DOCK9: variants seen among roughly 807,000 people sequenced by gnomAD.
DOCK9 encodes the protein dedicator of cytokinesis 9.
DOCK9 carries 89 observed loss-of-function variants against 263.3 expected under a neutral mutation model. That is an observed-to-expected ratio of 0.34 (90% CI 0.28 to 0.40). The LOEUF (loss-of-function observed/expected upper bound fraction) is 0.40, where lower values mean the gene tolerates loss of function less well. Among genes scored for constraint, DOCK9 ranks in the 10% least tolerant of loss-of-function variants. The pLI, the probability that DOCK9 is intolerant of heterozygous loss-of-function variation, is 1.00. For synonymous variants in DOCK9, 976 were observed against 973.1 expected (o/e 1.00, Z -0.06); for missense variants, 2,140 against 2,603.4 (o/e 0.82, Z 3.87).
intron 1 of DOCK9, among the ~76,000 whole-genome samples, chr13:98,961,190 G>A (rs1305763885): frequency 1.3e-5 from 2 of 152,200 alleles, no homozygotes; most frequent in Admixed American, 6.5e-5. Context: ...GATGCTTGGA[G>A]AGAGCAAAGA....
At chr13:98,926,564 A>C (rs1344297910) in intron 3 of DOCK9, among the ~76,000 whole-genome samples, 2 of 152,246 alleles carry the variant, frequency 1.3e-5, no homozygotes, top group African/African-American at 4.8e-5. Context: ...ACCTCGCCAC[A>C]TGACAGATTC....
At chr13:98,943,537 G>A (rs1277905836) in intron 2 of DOCK9, among the ~76,000 whole-genome samples, 4 of 148,912 alleles carry the variant, frequency 2.7e-5, no homozygotes, top group East Asian at 3.9e-4. Flanking sequence ...GTGTGTGTTC[G>A]TTTTTGCATG....
At chr13:99,061,738 TCA>T (rs1223727190) in intron 1 of DOCK9, among the ~76,000 whole-genome samples, 1 of 152,134 alleles carries the variant, frequency 6.6e-6, no homozygotes, top group Non-Finnish European at 1.5e-5. Context: ...CACATCACTC[TCA>T]TTTTCCACCT....
rs544668369 is a variant in DOCK9, at chr13:99,016,983, T to A, written c.130-61432A>T. On this transcript the variant is annotated intron_variant, in intron 1 of 32. Coordinates refer to the DOCK9 transcript ENST00000427887. ...GGCACGTGATCCCATAATGTCTGTT[T>A]TCTATGAGTAGTTTAGCCATTGGGC... Among the ~76,000 whole-genome samples the A allele has an allele frequency of 3.3e-5, 5 of 152,308 alleles. No individual in the cohort carries two copies. In the East Asian group the frequency reaches 9.6e-4, roughly 29 times the overall value.
At chr13:98,960,774 T>C (rs1367086569) in intron 1 of DOCK9, among the ~76,000 whole-genome samples, 2 of 152,158 alleles carry the variant, frequency 1.3e-5, no homozygotes, top group Non-Finnish European at 2.9e-5. Context: ...CAACTACCTA[T>C]ACTTGAACAT....
intron 45 of DOCK9, among the ~76,000 whole-genome samples, chr13:98,814,293 C>A (rs1233653876): frequency 1.3e-5 from 2 of 152,120 alleles, no homozygotes; most frequent in African/African-American, 2.4e-5. Context: ...TAAATACAAA[C>A]ACTAAAGCCA....
At chr13:99,078,431 G>T (rs955647491) in intron 1 of DOCK9, among the ~76,000 whole-genome samples, 8 of 152,228 alleles carry the variant, frequency 5.3e-5, no homozygotes, top group African/African-American at 1.9e-4. Flanking sequence ...CTGTTCCACA[G>T]AACGGAAGAG....
rs547545945 is a variant in DOCK9 at position 98,867,339 on chromosome 13, A to G, written c.3286+86T>C. Reference sequence around the variant, plus strand: ...CAATGAAAAAAATCAGAAAATTCAAATATCATGTTTGAATCAATTATCTTT... The same window carrying G: ...CAATGAAAAAAATCAGAAAATTCAAGTATCATGTTTGAATCAATTATCTTT... On this transcript the variant is annotated intron_variant, in intron 30 of 52. Coordinates refer to ENST00000682017, the MANE Select transcript of DOCK9 (RefSeq NM_001366683.2). 3.5e-5 allele frequency: 29 copies of G among 820,830 alleles called. No individual in the cohort carries two copies. In the African/African-American group the frequency reaches 3.8e-4, roughly 11 times the overall value. The allele number at this position is 820,830 out of a possible 1,614,324, so 50.8% of individuals were successfully genotyped here. A position where few individuals can be genotyped will look rare whatever the true frequency, so the allele number is the denominator to read the frequency against.
In DOCK9 at chr13:98,829,653, C is replaced by T. The variant is rs769739130; in HGVS notation, c.4739G>A (p.Arg1580Gln). The T allele has an allele frequency of 2.0e-5, 32 of 1,603,870 alleles. No individual in the cohort carries two copies. The highest frequency in any genetic ancestry group is 2.4e-5 in the Non-Finnish European group (28 of 1,174,896). Residue 1580 changes from arginine (R) to glutamine (Q), a missense_variant, in exon 42 of 53, where the codon CGG (arginine) becomes CAG (glutamine). By Grantham distance (43) the Arg-to-Gln change is conservative. Around this residue, in one of 2 missense-constraint regions of DOCK9, gnomAD observed 619 missense variants for 861.8 expected, o/e 0.72. Coordinates refer to ENST00000682017, the MANE Select transcript of DOCK9 (RefSeq NM_001366683.2). The surrounding 1 kb of genome is among the most constrained non-coding windows in gnomAD (Gnocchi z 4.1). ...GGCCAGGCTACCCACCTTAATAAGCCGGTCACTGTTGGCACAGTTGTTGAT... is the reference window on the plus strand; with the variant it reads ...GGCCAGGCTACCCACCTTAATAAGCTGGTCACTGTTGGCACAGTTGTTGAT... ...SIINNCANSD[R>Q]LIKHTSFSSD...
At chr13:98,862,909 A>C in intron 32 of DOCK9, 110 bp downstream of exon 32, 2 of 901,104 alleles carry the variant, frequency 2.2e-6, no homozygotes, top group African/African-American at 3.3e-5. Flanking sequence ...TGGACTCCTG[A>C]CTGGGAGAGA....
chr13:98,983,619 TATTA>T (rs1241008561), intron 1 of DOCK9, among the ~76,000 whole-genome samples: 5 of 139,392 alleles, frequency 3.6e-5, no homozygotes, highest in South Asian at 2.6e-4. Context: ...TTATTATTAT[TATTA>T]TTTTTTTTTT....
chr13:98,991,243 C>T (rs1282053952), intron 1 of DOCK9, among the ~76,000 whole-genome samples: 1 of 152,034 alleles, frequency 6.6e-6, no homozygotes, highest in African/African-American at 2.4e-5. Context: ...GGCTGATTTT[C>T]GTATTTTTAG....
intron 47 of DOCK9, among the ~76,000 whole-genome samples, chr13:98,808,949 A>C (rs2091013909): frequency 6.6e-6 from 1 of 152,198 alleles, no homozygotes; most frequent in Non-Finnish European, 1.5e-5. Flanking sequence ...AAAACATGCA[A>C]TATAGATATA....
chr13:98,942,220 G>GTTTTTTTTTTTTTTTTTTTTTTTTT (rs60412646), intron 2 of DOCK9, among the ~76,000 whole-genome samples: 1 of 132,430 alleles, frequency 7.6e-6, no homozygotes, highest in Non-Finnish European at 1.6e-5. Context: ...CTCTGGTTAT[G>GTTTTTTTTTTTTTTTTTTTTTTTTT]TTTTTTTTTT....
At chr13:98,943,170 G>T (rs2056213169) in intron 2 of DOCK9, among the ~76,000 whole-genome samples, 1 of 152,220 alleles carries the variant, frequency 6.6e-6, no homozygotes, top group South Asian at 2.1e-4. Flanking sequence ...GCCATCCAGA[G>T]CCTTACTTCA....
chr13:98,858,555 A>C (rs1348814702), intron 33 of DOCK9: 1 of 152,238 alleles, frequency 6.6e-6, no homozygotes, highest in Non-Finnish European at 1.5e-5. Flanking sequence ...CCAGAAAAAA[A>C]CTAGTAAACC....
intron 2 of DOCK9, among the ~76,000 whole-genome samples, chr13:98,933,778 A>C (rs1466442817): frequency 2.0e-5 from 3 of 152,258 alleles, no homozygotes; most frequent in African/African-American, 7.2e-5. Flanking sequence ...CAAAAGGCAC[A>C]GCCTGTCTCC....
rs1385708574 is a variant in DOCK9 at position 98,999,310 on chromosome 13, A to ACTCT, written c.130-43760_130-43759insAGAG. ...CACGCGCACACACACACACACACAC[A>ACTCT]CACACACTCTCTCTCTCTCTCTCTC... On this transcript the variant is annotated intron_variant, in intron 1 of 32. Transcript: ENST00000427887. Among the ~76,000 whole-genome samples the ACTCT allele has an allele frequency of 8.3e-4, 104 of 125,522 alleles. 1 individual carries two copies. Among genetic ancestry groups the ACTCT allele is most frequent in the East Asian group, 3.3e-3 (16 of 4,794 alleles). 82.3% of individuals were successfully genotyped at this position (125,522 alleles called of 152,430 possible).
chr13:99,015,515 T>C, intron 1 of DOCK9: 1 of 1,598,302 alleles, frequency 6.3e-7, no homozygotes, highest in Non-Finnish European at 8.5e-7. Context: ...TCAAGGGCAT[T>C]ATTCTCTCCT....
Sources: gnomAD v4.1 joint callset for allele counts (sites outside exome capture counted in the v4.1 genomes callset) on GRCh38, gnomAD v4.1.1 for gene constraint, gnomAD v4.1.1 regional missense constraint, Gnocchi (gnomAD v3.1) non-coding constraint, MANE v1.5 for transcripts, NCBI Gene and HGNC (gene_info 2026-07-23, HGNC 2026-07-21) for gene names.